The following HINFP variants were observed in gnomAD, a reference collection of about 807,000 sequenced individuals.
HINFP encodes the protein MBD2 (methyl-CpG-binding protein)-interacting zinc finger protein.
In HINFP, 20 loss-of-function variants were observed where a neutral mutation model predicts 50.1. The ratio of observed to expected loss-of-function variants is 0.40; its 90% CI spans 0.28 to 0.58. HINFP has a LOEUF of 0.58. Among genes scored for constraint, HINFP ranks in the 20% least tolerant of loss-of-function variants. The pLI is 0.45. For missense variants in HINFP, 505 were observed against 664.1 expected, an observed-to-expected ratio of 0.76 and a Z score of 2.63; for synonymous variants, 247 against 243.7, an observed-to-expected ratio of 1.01 and a Z score of -0.13.
Position 119,134,017 on chromosome 11 carries a change from G to C in HINFP, c.1140-67G>C, listed in dbSNP as rs1555215045. The C allele has an allele frequency of 6.2e-7, 1 of 1,605,872 alleles. No homozygotes were observed. The highest frequency in any genetic ancestry group is 1.1e-5 in the South Asian group (1 of 90,756). On this transcript the variant is annotated intron_variant, in intron 9 of 9. Coordinates refer to ENST00000350777, the MANE Select transcript of HINFP (RefSeq NM_198971.3). The surrounding 1 kb of genome is among the most constrained non-coding windows in gnomAD (Gnocchi z 4.3). ...ATCCCTCATGTTTGTTCCTTACTTT[G>C]CCAGCCTCGGCCATTTCTGTATCCC...
rs1193356582 is a variant in HINFP at position 119,132,966 on chromosome 11, C to G, written c.978C>G (p.Leu326=). ...ACTGCACCTTCAGTGCCCGATCCCT[C>G]TGCTCTATCAAGTCCCATTACCGCA... ...FENCTFSARS[L]CSIKSHYRKV... Residue 326 remains leucine (L), a synonymous_variant, in exon 8 of 10, where the codon CTC becomes CTG. Transcript: ENST00000350777. The G allele has an allele frequency of 6.2e-7, 1 of 1,614,256 alleles. No individual in the cohort carries two copies. Among genetic ancestry groups the G allele is most frequent in the Non-Finnish European group, 8.5e-7 (1 of 1,180,054 alleles).
Position 119,134,025 on chromosome 11 carries a change from C to T in HINFP, c.1140-59C>T, listed in dbSNP as rs746679921. On this transcript the variant is annotated intron_variant, in intron 9 of 9. Transcript: ENST00000350777. The surrounding 1 kb of genome is among the most constrained non-coding windows in gnomAD (Gnocchi z 4.3). The stretch of plus-strand genomic sequence containing the variant: ...TGTTTGTTCCTTACTTTGCCAGCCT[C>T]GGCCATTTCTGTATCCCCCTGCCTG... 9.9e-6 allele frequency: 16 copies of T among 1,609,450 alleles called. No homozygotes were observed. The highest frequency in any genetic ancestry group is 6.7e-5 in the Admixed American group (4 of 59,894).
Position 119,131,207 on chromosome 11 carries a change from GCCTC to G in HINFP, c.411+256_411+259del. 1 of 649,978 alleles carries G rather than the reference GCCTC, an allele frequency of 1.5e-6. No individual in the cohort carries two copies. The highest frequency in any genetic ancestry group is 3.0e-5 in the East Asian group (1 of 32,802). The allele number at this position is 649,978 out of a possible 1,614,324, so 40.3% of individuals were successfully genotyped here. A position where few individuals can be genotyped will look rare whatever the true frequency, so the allele number is the denominator to read the frequency against. ...GGGCTCAAGCAATCCTCCCACCTCAGCCTCCCAAGTAGCTAGGACTACAGGCATG... is the reference window on the plus strand; with the variant it reads ...GGGCTCAAGCAATCCTCCCACCTCAGCCAAGTAGCTAGGACTACAGGCATG... On this transcript the variant is annotated intron_variant, in intron 3 of 9. Transcript: ENST00000350777. This position sits in a 1 kb window ranked among gnomAD's most constrained non-coding sequence, Gnocchi z 4.2.
chr11:119,122,979 T>C (rs2135007038), intron 1 of HINFP, among the ~76,000 whole-genome samples: 2 of 151,914 alleles, frequency 1.3e-5, no homozygotes, highest in Middle Eastern at 3.4e-3. Context: ...AAAAATTAGC[T>C]GGGCGTGGTG....
chr11:119,131,674 C>T lies in HINFP; in HGVS notation c.523+28C>T. ...AGGGCTGCTTCTTAACTTGTGGCTT[C>T]TGGAGGAAACGCTGGGGTTCCTGAA... is the stretch of plus-strand genomic sequence containing the variant. On this transcript the variant is annotated intron_variant, in intron 4 of 9. Transcript: ENST00000350777. The surrounding 1 kb of genome is among the most constrained non-coding windows in gnomAD (Gnocchi z 4.2). The T allele has an allele frequency of 6.2e-7, 1 of 1,602,464 alleles. No homozygotes were observed. Among genetic ancestry groups the T allele is most frequent in the Non-Finnish European group, 8.6e-7 (1 of 1,169,516 alleles).
chr11:119,135,275 G>C lies in HINFP; in HGVS notation c.*777G>C, dbSNP rs1948004981. Reference sequence around the variant, plus strand: ...CCATGGAGGTCCCAGGTGTTTGGCTGTGAGTGGGCAGTAGTGGTGCTATAG... The same window carrying C: ...CCATGGAGGTCCCAGGTGTTTGGCTCTGAGTGGGCAGTAGTGGTGCTATAG... On this transcript the variant is annotated 3_prime_UTR_variant, in exon 10 of 10. Coordinates refer to ENST00000350777, the MANE Select transcript of HINFP (RefSeq NM_198971.3). 6.6e-6 allele frequency: 1 copy of C among 152,406 alleles called. No individual in the cohort carries two copies. The highest frequency in any genetic ancestry group is 1.5e-5 in the Non-Finnish European group (1 of 68,190). 9.4% of individuals were successfully genotyped at this position (152,406 alleles called of 1,614,324 possible). A position where few individuals can be genotyped will look rare whatever the true frequency, so the allele number is the denominator to read the frequency against.
chr11:119,129,490 C>CTTTTTTTTTTTTTTTTTTT (rs59395600), intron 2 of HINFP, among the ~76,000 whole-genome samples: 27 of 124,178 alleles, frequency 2.2e-4, no homozygotes, highest in South Asian at 1.0e-3. Context: ...TTTTTCTTTT[C>CTTTTTTTTTTTTTTTTTTT]TTTTTTTTTT....
In HINFP at chr11:119,134,158, T is replaced by G. The variant is rs945204146; in HGVS notation, c.1214T>G (p.Leu405Arg). Residue 405 changes from leucine to arginine, a missense_variant, in exon 10 of 10, where the codon CTG becomes CGG. Transcript: ENST00000350777. The surrounding 1 kb of genome is among the most constrained non-coding windows in gnomAD (Gnocchi z 4.3). Reference protein sequence around the residue: ...RYESVELTQQLLRQPQEGSGL... With the variant: ...RYESVELTQQRLRQPQEGSGL... ...GAGAGTGTAGAGCTGACACAGCAAC[T>G]GCTGCGGCAACCACAAGAGGGATCG... is the stretch of plus-strand genomic sequence containing the variant. 3 of 1,613,918 alleles carry G rather than the reference T, an allele frequency of 1.9e-6. No homozygotes were observed. In the African/African-American group the frequency reaches 4.0e-5, roughly 22 times the overall value.
At position 119,130,766 on chromosome 11, in the gene HINFP, T is replaced by C. The variant is rs903026657; in HGVS notation, c.223T>C (p.Ser75Pro). 10 of 1,614,210 alleles carry C rather than the reference T, an allele frequency of 6.2e-6. No individual in the cohort carries two copies. The highest frequency in any genetic ancestry group is 1.3e-5 in the African/African-American group (1 of 75,048). ...CTTGTGGCAGGAATGTGGCTTTTGT[T>C]CTCTGGACAGTTCTGCTGACCTCAT... ...SCLWQECGFC[S>P]LDSSADLIRH... is the part of the protein sequence containing the mutation. The change falls in exon 3 of 10, where the codon TCT (serine) becomes CCT (proline). Residue 75 changes from serine to proline, a missense_variant. Transcript: ENST00000350777.
rs960309557 is a variant in HINFP at position 119,132,032 on chromosome 11, G to A, written c.676+50G>A. The A allele has an allele frequency of 3.7e-6, 6 of 1,600,998 alleles. No individual in the cohort carries two copies. In the African/African-American group the frequency reaches 6.7e-5, roughly 18 times the overall value. ...GGATGCAGGCTGTCCTGCTTGGAAT[G>A]GGTTAGGGGCATGTTTCTAGTGGGG... is the stretch of plus-strand genomic sequence containing the variant. On this transcript the variant is annotated intron_variant, in intron 5 of 9. Coordinates refer to ENST00000350777, the MANE Select transcript of HINFP (RefSeq NM_198971.3).
rs748136504 is a variant in HINFP at position 119,127,055 on chromosome 11, T to TCAGCACCTGCAG, written c.123_134dup (p.Gln41_Leu44dup). 2 of 1,614,068 alleles carry TCAGCACCTGCAG rather than the reference T, an allele frequency of 1.2e-6. No individual in the cohort carries two copies. Among genetic ancestry groups the TCAGCACCTGCAG allele is most frequent in the Non-Finnish European group, 1.7e-6 (2 of 1,180,004 alleles). ...TGGAAAAGTTCTTTGAGCATGTCACTCAGCACCTGCAGCAGCACCTGCATG... is the reference window on the plus strand; with the variant it reads ...TGGAAAAGTTCTTTGAGCATGTCACTCAGCACCTGCAGCAGCACCTGCAGCAGCACCTGCATG... On this transcript the variant is annotated inframe_insertion, in exon 2 of 10. Transcript: ENST00000350777.
chr11:119,136,041 T>G lies in HINFP; in HGVS notation c.*1543T>G, dbSNP rs79721687. 0.13 allele frequency: 16,076 copies of G among 120,974 alleles called. 1,097 individuals are homozygous for G. The highest frequency in any genetic ancestry group is 0.4 in the South Asian group (1,498 of 3,702). 7.5% of individuals were successfully genotyped at this position (120,974 alleles called of 1,614,324 possible). A position where few individuals can be genotyped will look rare whatever the true frequency, so the allele number is the denominator to read the frequency against. On this transcript the variant is annotated 3_prime_UTR_variant, in exon 10 of 10. Coordinates refer to ENST00000350777, the MANE Select transcript of HINFP (RefSeq NM_198971.3). ...ACTCCGTCTCAAATAAATAAATAAA[T>G]AAAGAAAGAAAAGAAAAACTGTGTG...
At chr11:119,123,752 C>T (rs1380100118) in intron 1 of HINFP, 1 of 125,180 alleles carries the variant, frequency 8.0e-6, no homozygotes, top group African/African-American at 2.9e-5. Flanking sequence ...CTTGCTCTGT[C>T]ACTAGGCTGG....
chr11:119,132,930 T>C lies in HINFP; in HGVS notation c.942T>C (p.Cys314=). The C allele has an allele frequency of 1.9e-6, 3 of 1,614,192 alleles. No homozygotes were observed. Among genetic ancestry groups the C allele is most frequent in the Non-Finnish European group, 2.5e-6 (3 of 1,180,042 alleles). ...DTHSEEPAYR[C]DFENCTFSAR... is the part of the protein sequence containing the mutation. ...ACAGCGAGGAGCCAGCCTACAGGTG[T>C]GATTTTGAGAACTGCACCTTCAGTG... The change falls in exon 8 of 10, where the codon TGT becomes TGC. Residue 314 remains cysteine, a synonymous_variant. Transcript: ENST00000350777.
chr11:119,124,398 T>A (rs1947269118), intron 1 of HINFP: 1 of 151,808 alleles, frequency 6.6e-6, no homozygotes, highest in African/African-American at 2.4e-5. Flanking sequence ...CATGGTGGGG[T>A]CAGCAAGAAT....
chr11:119,122,793 A>G (rs1947143310), intron 1 of HINFP, among the ~76,000 whole-genome samples: 1 of 152,116 alleles, frequency 6.6e-6, no homozygotes, highest in Non-Finnish European at 1.5e-5. Flanking sequence ...GGGGGTCATC[A>G]AAGAGAAGAC....
intron 1 of HINFP, chr11:119,124,196 A>C (rs1947257075): frequency 6.6e-6 from 1 of 152,222 alleles, no homozygotes; most frequent in South Asian, 2.1e-4. Flanking sequence ...AGTGTTAAGG[A>C]TGACTGGATT....
In HINFP at chr11:119,133,183, A is replaced by G; in HGVS notation, c.1103A>G (p.His368Arg). Residue 368 changes from histidine (H) to arginine (R), a missense_variant, in exon 9 of 10, where the codon CAC becomes CGC. Physicochemically the swap from His to Arg is conservative, Grantham distance 29. Coordinates refer to ENST00000350777, the MANE Select transcript of HINFP (RefSeq NM_198971.3). ...NNLTVHLRKKHQFKWPSGHPR... is the reference protein window; with the variant it reads ...NNLTVHLRKKRQFKWPSGHPR... The stretch of plus-strand genomic sequence containing the variant: ...CTCACCGTGCACCTTCGCAAGAAGC[A>G]CCAGTTCAAGTGGCCCTCAGGGCAT... 1 of 1,614,222 alleles carries G rather than the reference A, an allele frequency of 6.2e-7. No homozygotes were observed. The highest frequency in any genetic ancestry group is 8.5e-7 in the Non-Finnish European group (1 of 1,180,042).
chr11:119,127,663 G>A (rs1302266538), intron 2 of HINFP, among the ~76,000 whole-genome samples: 4 of 151,348 alleles, frequency 2.6e-5, no homozygotes, highest in Non-Finnish European at 4.4e-5. Flanking sequence ...TCAACCTCCC[G>A]AGTAGTTAGG....
Sources: allele counts gnomAD v4.1 joint callset (sites outside exome capture counted in the v4.1 genomes callset), GRCh38; gene constraint gnomAD v4.1.1; non-coding constraint Gnocchi (gnomAD v3.1); transcripts MANE v1.5; gene names NCBI Gene and HGNC (gene_info 2026-07-23, HGNC 2026-07-21).